ACP7: variants seen among roughly 807,000 people sequenced by gnomAD.
ACP7 encodes the protein acid phosphatase type 7.
In ACP7, 58 loss-of-function variants were observed where a neutral mutation model predicts 60.6. The observed-to-expected ratio is 0.96, with a 90% confidence interval of 0.77 to 1.19. The LOEUF is 1.19. ACP7 is among the 50% of genes most tolerant of loss of function. The pLI is 0.00. For missense variants in ACP7, 574 were observed against 596.2 expected (o/e 0.96, Z 0.39); for synonymous variants, 237 against 232.6 (o/e 1.02, Z -0.17).
intron 2 of ACP7, among the ~76,000 whole-genome samples, chr19:39,096,323 CTCAAGT>C (rs368308064): frequency 1.3e-3 from 195 of 152,282 alleles, no homozygotes; most frequent in African/African-American, 4.3e-3. Flanking sequence ...AATCATCTCT[CTCAAGT>C]TCAAAGTTCC....
intron 11 of ACP7, among the ~76,000 whole-genome samples, chr19:39,103,822 A>G (rs1419770207): frequency 6.6e-6 from 1 of 152,120 alleles, no homozygotes; most frequent in East Asian, 1.9e-4. Context: ...GCGAGACCCC[A>G]TCTCAAAAAC....
rs768765497 is a variant in ACP7 at position 39,100,298 on chromosome 19, G to C, written c.577G>C (p.Val193Leu). ...GDRFMRLIEPVAASLPYMTCP... is the reference protein window; with the variant it reads ...GDRFMRLIEPLAASLPYMTCP... Reference sequence around the variant, plus strand: ...TAGGTTCATGCGGCTCATTGAACCCGTGGCTGCCAGCCTGCCGTACATGAC... The same window carrying C: ...TAGGTTCATGCGGCTCATTGAACCCCTGGCTGCCAGCCTGCCGTACATGAC... Residue 193 changes from valine to leucine, a missense_variant, in exon 5 of 13, where the codon GTG (valine) becomes CTG (leucine). Physicochemically the swap from Val to Leu is conservative, Grantham distance 32. Coordinates refer to ENST00000331256, the MANE Select transcript of ACP7 (RefSeq NM_001004318.3). 3.1e-6 allele frequency: 5 copies of C among 1,614,110 alleles called. 1 individual carries two copies. In the Admixed American group the frequency reaches 8.3e-5, roughly 27 times the overall value.
rs1244520833 is a variant in ACP7 at position 39,100,732 on chromosome 19, C to A, written c.693-7C>A. 1.2e-6 allele frequency: 2 copies of A among 1,613,690 alleles called. No individual in the cohort carries two copies. The highest frequency in any genetic ancestry group is 1.1e-5 in the South Asian group (1 of 91,080). On this transcript the variant is annotated splice_region_variant and splice_polypyrimidine_tract_variant and intron_variant, in intron 6 of 12. Transcript: ENST00000331256. ...GGTCCCTGACCCCTGCCCTTTGACT[C>A]CTCCAGCTGGGATCTGGGTCCCGCC...
intron 2 of ACP7, among the ~76,000 whole-genome samples, chr19:39,089,599 A>C (rs975231887): frequency 6.6e-6 from 1 of 152,182 alleles, no homozygotes; most frequent in Non-Finnish European, 1.5e-5. Flanking sequence ...CCCCTTCCAG[A>C]ATCCGATCCA....
Position 39,102,715 on chromosome 19 carries a change from TTTTCTTTC to T in ACP7, c.1113+1224_1113+1231del, listed in dbSNP as rs199915190. Among the ~76,000 whole-genome samples, 66 of 118,710 alleles carry T rather than the reference TTTTCTTTC, an allele frequency of 5.6e-4. 1 individual carries two copies. The highest frequency in any genetic ancestry group is 3.5e-3 in the East Asian group (14 of 3,974). The allele number at this position is 118,710 out of a possible 152,430, so 77.9% of individuals were successfully genotyped here. A position where few individuals can be genotyped will look rare whatever the true frequency, so the allele number is the denominator to read the frequency against. On this transcript the variant is annotated intron_variant, in intron 11 of 12. Coordinates refer to ENST00000331256, the MANE Select transcript of ACP7 (RefSeq NM_001004318.3). The stretch of plus-strand genomic sequence containing the variant: ...ATTACTAAGCTGTTCCAATGAAGAC[TTTTCTTTC>T]TTTCTTTCTTTCTTTCTTTCTTTCT...
chr19:39,089,032 C>T (rs938322320), intron 2 of ACP7, among the ~76,000 whole-genome samples: 2 of 151,646 alleles, frequency 1.3e-5, no homozygotes, highest in Admixed American at 1.3e-4. Context: ...CAGGTTCAAG[C>T]GATTCTCCTG....
At chr19:39,105,783 A>G (rs888460998) in intron 11 of ACP7, among the ~76,000 whole-genome samples, 3 of 152,188 alleles carry the variant, frequency 2.0e-5, no homozygotes, top group Non-Finnish European at 4.4e-5. Flanking sequence ...GAGTGCTGGA[A>G]TTACAGGCGT....
chr19:39,100,087 C>T (rs1010141266), intron 4 of ACP7, 140 bp from the exon 5 acceptor site: 1 of 1,242,140 alleles, frequency 8.1e-7, no homozygotes, highest in African/African-American at 1.5e-5. Flanking sequence ...TTTTGAATTC[C>T]TGGGCTCAAG....
At chr19:39,097,568 G>GAA (rs138172749) in intron 2 of ACP7, among the ~76,000 whole-genome samples, 6 of 132,254 alleles carry the variant, frequency 4.5e-5, no homozygotes, top group Non-Finnish European at 6.5e-5. Context: ...CTATCTCTAA[G>GAA]AAAAAAAAAA....
In ACP7 at chr19:39,098,880, CACCAGT is replaced by C; in HGVS notation, c.323-79_323-74del. The stretch of plus-strand genomic sequence containing the variant: ...ACCAGTCCCCCCATCTCCTCCCCTC[CACCAGT>C]CGGGGAAGGATGGGGTTGGAGGGAG... On this transcript the variant is annotated intron_variant, in intron 3 of 12. Transcript: ENST00000331256. 20 of 1,566,848 alleles carry C rather than the reference CACCAGT, an allele frequency of 1.3e-5. 1 individual carries two copies. Among genetic ancestry groups the C allele is most frequent in the Non-Finnish European group, 1.6e-5 (19 of 1,156,308 alleles).
chr19:39,109,114 A>T (rs1032656682), intron 12 of ACP7, among the ~76,000 whole-genome samples: 4 of 152,084 alleles, frequency 2.6e-5, no homozygotes, highest in African/African-American at 9.7e-5. Flanking sequence ...GAGCCACCGC[A>T]TGCGGCCCCA....
In ACP7 at chr19:39,110,363, TGCTG is replaced by T. The variant is rs2073456918; in HGVS notation, c.*248_*251del. On this transcript the variant is annotated 3_prime_UTR_variant, in exon 13 of 13. Coordinates refer to ENST00000331256, the MANE Select transcript of ACP7 (RefSeq NM_001004318.3). ...CACAGAGTGACACACGGCAGGTTTCTGCTGGCAGGGCCCCACCCTCCTGCATAGC... is the reference window on the plus strand; with the variant it reads ...CACAGAGTGACACACGGCAGGTTTCTGCAGGGCCCCACCCTCCTGCATAGC... 2 of 533,744 alleles carry T rather than the reference TGCTG, an allele frequency of 3.7e-6. No homozygotes were observed. The highest frequency in any genetic ancestry group is 6.4e-5 in the East Asian group (2 of 31,426). 33.1% of individuals were successfully genotyped at this position (533,744 alleles called of 1,614,324 possible).
rs753809808 is a variant in ACP7 at position 39,099,038 on chromosome 19, C to T, written c.401C>T (p.Pro134Leu). ...CTCAAGAATGGGGCCCACTGGAGTCCCCGTCTGGCTGTGTTTGGAGACCTG... is the reference window on the plus strand; with the variant it reads ...CTCAAGAATGGGGCCCACTGGAGTCTCCGTCTGGCTGTGTTTGGAGACCTG... Reference protein sequence around the residue: ...RALKNGAHWSPRLAVFGDLGA... With the variant: ...RALKNGAHWSLRLAVFGDLGA... Residue 134 changes from proline (P) to leucine (L), a missense_variant, in exon 4 of 13, where the codon CCC (proline) becomes CTC (leucine). Transcript: ENST00000331256. The T allele has an allele frequency of 3.7e-6, 6 of 1,612,964 alleles. No individual in the cohort carries two copies. The Admixed American group carries it at 1.0e-4, about 27-fold the overall frequency.
At chr19:39,086,382 C>T (rs1395391449) in intron 2 of ACP7, among the ~76,000 whole-genome samples, 1 of 151,968 alleles carries the variant, frequency 6.6e-6, no homozygotes, top group Non-Finnish European at 1.5e-5. Context: ...GTAATCTCAG[C>T]AATTTGGGAC....
intron 2 of ACP7, among the ~76,000 whole-genome samples, chr19:39,097,399 C>CAAAAA (rs527462300): frequency 0.19 from 23,724 of 124,660 alleles, 2,150 homozygotes; most frequent in East Asian, 0.28. Flanking sequence ...CAAGACTCCT[C>CAAAAA]AAAAAAAAAA....
intron 2 of ACP7, among the ~76,000 whole-genome samples, chr19:39,087,199 A>G (rs574110071): frequency 1.3e-5 from 2 of 152,152 alleles, no homozygotes; most frequent in African/African-American, 4.8e-5. Flanking sequence ...TTTTATACAG[A>G]TGGAATTTCA....
In ACP7 at chr19:39,085,329, A is replaced by G; in HGVS notation, c.60A>G (p.Gly20=). The G allele has an allele frequency of 1.2e-6, 2 of 1,613,526 alleles. No individual in the cohort carries two copies. Among genetic ancestry groups the G allele is most frequent in the Non-Finnish European group, 1.7e-6 (2 of 1,179,762 alleles). ...CYCLLLLFSL[G]VQGSLGAPSA... ...GTCTACTCCTGCTATTCTCCTTGGG[A>G]GTCCAGGGGTCCCTGGGGGCTCCCA... The change falls in exon 2 of 13, where the codon GGA becomes GGG. Residue 20 remains glycine, a synonymous_variant. Transcript: ENST00000331256.
upstream of ACP7, chr19:39,084,304 T>C (rs542443932): frequency 1.4e-4 from 21 of 152,438 alleles, no homozygotes; most frequent in African/African-American, 5.1e-4. Context: ...CTGGGACGGC[T>C]GTAGGCGGCA....
intron 2 of ACP7, among the ~76,000 whole-genome samples, chr19:39,094,791 A>G (rs938421862): frequency 2.6e-5 from 4 of 152,192 alleles, no homozygotes; most frequent in Non-Finnish European, 5.9e-5. Context: ...GTTGATAAAG[A>G]CATACCTGAG....
Sources: gnomAD v4.1 joint callset for allele counts (sites outside exome capture counted in the v4.1 genomes callset) on GRCh38, gnomAD v4.1.1 for gene constraint, MANE v1.5 for transcripts, NCBI Gene and HGNC (gene_info 2026-07-23, HGNC 2026-07-21) for gene names.